SLC15A5: variants seen among roughly 807,000 people sequenced by gnomAD.
SLC15A5 encodes the protein Peptide/histidine transporter ENSP00000340402.
A neutral mutation model predicts 56.1 loss-of-function variants in SLC15A5; 58 were observed. The ratio of observed to expected loss-of-function variants is 1.03; its 90% CI spans 0.84 to 1.29. The LOEUF is 1.29. SLC15A5 is among the 50% of genes most tolerant of loss of function. The probability of loss-of-function intolerance (pLI) is 0.00; values close to 1 mark genes in which losing one functional copy is unlikely to be tolerated. For missense variants in SLC15A5, 681 were observed against 672.1 expected, an observed-to-expected ratio of 1.01 and a Z score of -0.15; for synonymous variants, 264 against 250.5, an observed-to-expected ratio of 1.05 and a Z score of -0.51.
Position 16,243,306 on chromosome 12 carries a change from G to C in SLC15A5, c.975+1274C>G, listed in dbSNP as rs1864430516. 1.3e-5 allele frequency among the ~76,000 whole-genome samples: 2 copies of C among 151,164 alleles called. No individual in the cohort carries two copies. The highest frequency in any genetic ancestry group is 6.6e-5 in the Admixed American group (1 of 15,176). On this transcript the variant is annotated intron_variant, in intron 4 of 8. Transcript: ENST00000344941. The surrounding 1 kb of genome is among the most constrained non-coding windows in gnomAD (Gnocchi z 4.4). ...GCTCACCGCAACCTCCGCCTCCTGG[G>C]TTCAAGCGATTCTCCAGCCTCAGCC...
intron 6 of SLC15A5, among the ~76,000 whole-genome samples, chr12:16,223,952 G>A (rs925459274): frequency 6.6e-6 from 1 of 152,208 alleles, no homozygotes; most frequent in South Asian, 2.1e-4. Context: ...TCTTGACCTC[G>A]TGATCCACCT....
At chr12:16,198,313 T>C (rs1043015113) in intron 7 of SLC15A5, among the ~76,000 whole-genome samples, 2 of 152,152 alleles carry the variant, frequency 1.3e-5, no homozygotes, top group Non-Finnish European at 2.9e-5. Flanking sequence ...CATAAATTAG[T>C]AGGGGACAGG....
chr12:16,220,008 C>T (rs1369113100), intron 6 of SLC15A5, among the ~76,000 whole-genome samples: 3 of 152,094 alleles, frequency 2.0e-5, no homozygotes, highest in African/African-American at 7.2e-5. Context: ...TAACCACCTT[C>T]CTAAGGCACC....
chr12:16,225,883 A>G (rs1864236588), intron 5 of SLC15A5, among the ~76,000 whole-genome samples: 1 of 152,200 alleles, frequency 6.6e-6, no homozygotes, highest in Admixed American at 6.5e-5. Flanking sequence ...CTGTTTGGCC[A>G]TCCAGTGCTT....
At chr12:16,263,053 C>T (rs1864658500) in intron 2 of SLC15A5, among the ~76,000 whole-genome samples, 1 of 152,134 alleles carries the variant, frequency 6.6e-6, no homozygotes, top group South Asian at 2.1e-4. Flanking sequence ...GAAAAGATAC[C>T]TGCAAATGCA....
chr12:16,203,029 G>A (rs1407685522), intron 7 of SLC15A5, among the ~76,000 whole-genome samples: 1 of 152,040 alleles, frequency 6.6e-6, no homozygotes, highest in Non-Finnish European at 1.5e-5. Flanking sequence ...AGTTAGACAG[G>A]AGGAATTAGT....
At chr12:16,208,408 T>TTGCTATA (rs1458587503) in intron 7 of SLC15A5, among the ~76,000 whole-genome samples, 2 of 152,202 alleles carry the variant, frequency 1.3e-5, no homozygotes, top group Non-Finnish European at 2.9e-5. Flanking sequence ...GTGGTGGCTT[T>TTGCTATA]TGCTATATTC....
In SLC15A5 at chr12:16,191,609, G is replaced by T. The variant is rs1181697227; in HGVS notation, c.1593-1794C>A. ...CATCGGTACTTTTCCCCATTTCTTT[G>T]CATGCTTATTGTTCATTAGTGTTTG... On this transcript the variant is annotated intron_variant, in intron 8 of 8. Coordinates refer to ENST00000344941, the MANE Select transcript of SLC15A5 (RefSeq NM_001170798.1). Among the ~76,000 whole-genome samples, 16 of 151,982 alleles carry T rather than the reference G, an allele frequency of 1.1e-4. 1 individual carries two copies.
chr12:16,212,630 G>A (rs1231421786), intron 7 of SLC15A5, among the ~76,000 whole-genome samples: 1 of 152,118 alleles, frequency 6.6e-6, no homozygotes, highest in African/African-American at 2.4e-5. Context: ...CAAAAGGAGA[G>A]GATTAATGTG....
rs575684137 is a variant in SLC15A5, at chr12:16,237,395, G to A, written c.1162+2286C>T. ...TGGGGTTCAGAAACAACTGAAATCA[G>A]TATTCTGTACCCAGTGGAACGTAGC... On this transcript the variant is annotated intron_variant, in intron 5 of 8. Coordinates refer to ENST00000344941, the MANE Select transcript of SLC15A5 (RefSeq NM_001170798.1). The surrounding 1 kb of genome is among the most constrained non-coding windows in gnomAD (Gnocchi z 4.1). Among the ~76,000 whole-genome samples the A allele has an allele frequency of 6.6e-6, 1 of 152,280 alleles. No homozygotes were observed. The highest frequency in any genetic ancestry group is 6.5e-5 in the Admixed American group (1 of 15,298).
intron 2 of SLC15A5, among the ~76,000 whole-genome samples, chr12:16,263,655 G>T (rs1864664474): frequency 6.6e-6 from 1 of 152,134 alleles, no homozygotes; most frequent in Non-Finnish European, 1.5e-5. Context: ...GTTCTAAGAG[G>T]CAAAAATGGT....
At chr12:16,253,931 G>A (rs1457293788) in intron 3 of SLC15A5, among the ~76,000 whole-genome samples, 1 of 152,070 alleles carries the variant, frequency 6.6e-6, no homozygotes, top group Non-Finnish European at 1.5e-5. Flanking sequence ...TCCCACTTCT[G>A]AGTATATATC....
intron 7 of SLC15A5, among the ~76,000 whole-genome samples, chr12:16,201,315 G>A (rs1863952488): frequency 6.6e-6 from 1 of 152,086 alleles, no homozygotes; most frequent in East Asian, 1.9e-4. Context: ...CAAAGATGGA[G>A]GCATCACACT....
At chr12:16,201,937 T>C (rs572906542) in intron 7 of SLC15A5, among the ~76,000 whole-genome samples, 10 of 152,214 alleles carry the variant, frequency 6.6e-5, no homozygotes, top group African/African-American at 2.4e-4. Context: ...TGGACACTTA[T>C]ACCAGATACG....
intron 2 of SLC15A5, among the ~76,000 whole-genome samples, chr12:16,265,561 C>T (rs1315140424): frequency 6.6e-6 from 1 of 152,208 alleles, no homozygotes; most frequent in Non-Finnish European, 1.5e-5. Flanking sequence ...TCACTGCAGC[C>T]TTGATTTCTT....
chr12:16,203,515 C>T (rs537646072), intron 7 of SLC15A5, among the ~76,000 whole-genome samples: 1 of 152,166 alleles, frequency 6.6e-6, no homozygotes, highest in African/African-American at 2.4e-5. Flanking sequence ...ACTTAAGAAA[C>T]ATTCGATACA....
chr12:16,200,264 CT>C (rs1244154484), intron 7 of SLC15A5, among the ~76,000 whole-genome samples: 4 of 151,032 alleles, frequency 2.6e-5, no homozygotes, highest in Non-Finnish European at 4.4e-5. Context: ...AAGTACTAAT[CT>C]CAGCAAAGTT....
Position 16,189,748 on chromosome 12 carries a change from G to A in SLC15A5, c.1660C>T (p.Leu554Phe). 1 of 1,530,382 alleles carries A rather than the reference G, an allele frequency of 6.5e-7. No homozygotes were observed. The highest frequency in any genetic ancestry group is 8.7e-7 in the Non-Finnish European group (1 of 1,143,328). The allele number at this position is 1,530,382 out of a possible 1,614,324, so 94.8% of individuals were successfully genotyped here. ...TAAAATTTCAGAGATTTTTCGTGGAGGAGAAGTGTTTCTTCAAGATTACTT... is the reference window on the plus strand; with the variant it reads ...TAAAATTTCAGAGATTTTTCGTGGAAGAGAAGTGTTTCTTCAAGATTACTT... ...RGSNLEETLL[L>F]HEKSLKFYGS... The change falls in exon 9 of 9, where the codon CTC becomes TTC. Residue 554 changes from leucine (L) to phenylalanine (F), a missense_variant. Physicochemically the swap from Leu to Phe is conservative, Grantham distance 22. Transcript: ENST00000344941.
intron 7 of SLC15A5, among the ~76,000 whole-genome samples, chr12:16,211,213 A>G (rs1037526851): frequency 1.3e-5 from 2 of 152,254 alleles, no homozygotes; most frequent in Non-Finnish European, 2.9e-5. Context: ...CATGAAATGC[A>G]GTTGGAATAC....
Sources: gnomAD v4.1 joint callset for allele counts (sites outside exome capture counted in the v4.1 genomes callset) on GRCh38, gnomAD v4.1.1 for gene constraint, Gnocchi (gnomAD v3.1) non-coding constraint, MANE v1.5 for transcripts, NCBI Gene and HGNC (gene_info 2026-07-23, HGNC 2026-07-21) for gene names.